Variants in CLASRP observed in about 807,000 individuals in gnomAD.
The protein encoded by CLASRP is CLK4-associating serine/arginine rich protein.
In CLASRP, 52 loss-of-function variants were observed where a neutral mutation model predicts 99.9. That is an observed-to-expected ratio of 0.52 (90% CI 0.42 to 0.66). CLASRP has a LOEUF of 0.66. CLASRP is among the 30% of genes least tolerant of loss of function. The pLI, the probability that CLASRP is intolerant of heterozygous loss-of-function variation, is 0.00. For missense variants in CLASRP, 848 were observed against 999.2 expected (o/e 0.85, Z 2.04); for synonymous variants, 379 against 373.0 (o/e 1.02, Z -0.18).
At chr19:45,070,441 C>A (rs972674323) in intron 19 of CLASRP, 96 bp from the exon 20 acceptor site, 73 of 1,086,562 alleles carry the variant, frequency 6.7e-5, no homozygotes, top group Non-Finnish European at 9.2e-5. Context: ...TTGGAGACAA[C>A]CCCTGAAGTT....
At chr19:45,061,439 C>T (rs767068204) in intron 10 of CLASRP, among the ~76,000 whole-genome samples, 6 of 151,900 alleles carry the variant, frequency 3.9e-5, no homozygotes, top group East Asian at 1.9e-4. Context: ...CTCTCTGGGC[C>T]TCAGTTTCCT....
At chr19:45,056,402 C>T in intron 5 of CLASRP, 48 bp from the exon 6 acceptor site, 1 of 1,560,688 alleles carries the variant, frequency 6.4e-7, no homozygotes, top group Non-Finnish European at 8.8e-7. Flanking sequence ...CCACTGAATT[C>T]CTAGTGTCCC....
At chr19:45,050,647 G>A (rs1972005958) in intron 2 of CLASRP, among the ~76,000 whole-genome samples, 1 of 152,074 alleles carries the variant, frequency 6.6e-6, no homozygotes, top group African/African-American at 2.4e-5. Context: ...TCGCACCATT[G>A]CACTCCAGTT....
rs1967199303 is a variant in CLASRP, at chr19:45,070,035, C to T, written c.1888C>T (p.Arg630Ter). 1 of 1,604,446 alleles carries T rather than the reference C, an allele frequency of 6.2e-7. No homozygotes were observed. Residue 630 changes from arginine (R) to a stop codon, truncating the protein, a stop_gained, in exon 19 of 21, where the codon CGA (arginine) becomes TGA (stop). Coordinates refer to ENST00000221455, the MANE Select transcript of CLASRP (RefSeq NM_007056.3). LOFTEE classifies it high-confidence loss of function. ...ATGCCTTCGCAGGGAGCGGGAACGC[C>T]GAGAGAAGGAGAGAGAAGAGTGGGA... ...RKIRMKERER[R>*]EKEREEWERQ...
chr19:45,067,552 C>T lies in CLASRP; in HGVS notation c.1625C>T (p.Thr542Ile), dbSNP rs1421532643. The T allele has an allele frequency of 6.2e-7, 1 of 1,605,506 alleles. No homozygotes were observed. Among genetic ancestry groups the T allele is most frequent in the Non-Finnish European group, 8.5e-7 (1 of 1,178,822 alleles). The change falls in exon 14 of 21, where the codon ACC becomes ATC. Residue 542 changes from threonine (T) to isoleucine (I), a missense_variant. Thr to Ile is a moderately conservative substitution (Grantham distance 89, BLOSUM62 -1). Around this residue, in one of 8 missense-constraint regions of CLASRP, gnomAD observed 489 missense variants for 434.7 expected, o/e 1.12. Coordinates refer to ENST00000221455, the MANE Select transcript of CLASRP (RefSeq NM_007056.3). This position sits in a 1 kb window ranked among gnomAD's most constrained non-coding sequence, Gnocchi z 4.9. ...PSPSPAREKL[T>I]RPAASPAVGE... ...CCATCACCCGCAAGAGAGAAGCTGA[C>T]CAGGCCGGCCGCGTCCCCTGCTGTG...
In CLASRP at chr19:45,060,107, C is replaced by T. The variant is rs953078414; in HGVS notation, c.711-282C>T. Among the ~76,000 whole-genome samples the T allele has an allele frequency of 6.6e-6, 1 of 152,170 alleles. No individual in the cohort carries two copies. Among genetic ancestry groups the T allele is most frequent in the Non-Finnish European group, 1.5e-5 (1 of 68,026 alleles). ...GCTTCCTCTGCCTTTGCTCTACCATCTAATGGACCACACATTTTATTCCCT... is the reference window on the plus strand; with the variant it reads ...GCTTCCTCTGCCTTTGCTCTACCATTTAATGGACCACACATTTTATTCCCT... On this transcript the variant is annotated intron_variant, in intron 8 of 20. Coordinates refer to ENST00000221455, the MANE Select transcript of CLASRP (RefSeq NM_007056.3). This position sits in a 1 kb window ranked among gnomAD's most constrained non-coding sequence, Gnocchi z 4.6.
chr19:45,040,424 C>G (rs1393058366), intron 2 of CLASRP, 113 bp downstream of exon 2: 1 of 684,656 alleles, frequency 1.5e-6, no homozygotes, highest in African/African-American at 1.8e-5. Context: ...CTCATTTCCT[C>G]AGGAGTATAT....
Position 45,064,602 on chromosome 19 carries a change from G to T in CLASRP, c.1381G>T (p.Gly461Cys). 1 of 1,551,896 alleles carries T rather than the reference G, an allele frequency of 6.4e-7. No homozygotes were observed. The highest frequency in any genetic ancestry group is 1.4e-5 in the African/African-American group (1 of 73,784). Residue 461 changes from glycine (G) to cysteine (C), a missense_variant, in exon 13 of 21, where the codon GGT becomes TGT. By Grantham distance (159) the Gly-to-Cys change is radical. Coordinates refer to ENST00000221455, the MANE Select transcript of CLASRP (RefSeq NM_007056.3). ...GTACTCCCGCTCGCCCGCCCGGCGTGGTGGTTACGGGCCCCGGCGCAGAAG... is the reference window on the plus strand; with the variant it reads ...GTACTCCCGCTCGCCCGCCCGGCGTTGTGGTTACGGGCCCCGGCGCAGAAG... Reference protein sequence around the residue: ...HRYSRSPARRGGYGPRRRSRS... With the variant: ...HRYSRSPARRCGYGPRRRSRS...
At chr19:45,063,578 CTGGAAT>C in intron 11 of CLASRP, among the ~76,000 whole-genome samples, 1 of 151,024 alleles carries the variant, frequency 6.6e-6, no homozygotes, top group Admixed American at 6.6e-5. Context: ...TCCTGAGTAG[CTGGAAT>C]TACAGGTGCG....
intron 5 of CLASRP, among the ~76,000 whole-genome samples, 179 bp downstream of exon 5, chr19:45,053,356 A>G (rs544301336): frequency 3.3e-5 from 5 of 152,226 alleles, no homozygotes; most frequent in Non-Finnish European, 7.4e-5. Context: ...TAGATTTGGT[A>G]TAGGGGATGT....
At chr19:45,040,562 T>C (rs1382640385) in intron 2 of CLASRP, 1 of 382,596 alleles carries the variant, frequency 2.6e-6, no homozygotes, top group Non-Finnish European at 5.0e-6. Context: ...GGGAAGTCTC[T>C]GTAACCCTCA....
At chr19:45,052,382 T>C (rs1300984665) in intron 3 of CLASRP, among the ~76,000 whole-genome samples, 1 of 152,048 alleles carries the variant, frequency 6.6e-6, no homozygotes, top group African/African-American at 2.4e-5. Flanking sequence ...GCAGTCATGG[T>C]TGGAGGACTT....
chr19:45,063,745 C>A (rs1460974985), intron 11 of CLASRP, among the ~76,000 whole-genome samples: 1 of 152,044 alleles, frequency 6.6e-6, no homozygotes, highest in Non-Finnish European at 1.5e-5. Context: ...CCACCGCGCC[C>A]GGCCTGCTCA....
intron 5 of CLASRP, among the ~76,000 whole-genome samples, chr19:45,055,303 G>A (rs1414473602): frequency 6.6e-6 from 1 of 152,246 alleles, no homozygotes; most frequent in Non-Finnish European, 1.5e-5. Flanking sequence ...TCCAGGCCGA[G>A]AGCAGCCTGT....
At chr19:45,046,559 CTG>C (rs1971920803) in intron 2 of CLASRP, among the ~76,000 whole-genome samples, 1 of 152,242 alleles carries the variant, frequency 6.6e-6, no homozygotes, top group Admixed American at 6.5e-5. Flanking sequence ...GGGGACAAGT[CTG>C]TGTCCCACAC....
intron 12 of CLASRP, 36 bp from the exon 13 acceptor site, chr19:45,064,307 G>C (rs971423603): frequency 6.6e-7 from 1 of 1,515,784 alleles, no homozygotes; most frequent in Non-Finnish European, 8.8e-7. Flanking sequence ...CGCGGCTCAG[G>C]CCTGCGCTGA....
intron 2 of CLASRP, among the ~76,000 whole-genome samples, chr19:45,041,645 A>G (rs1020273364): frequency 6.6e-6 from 1 of 152,138 alleles, no homozygotes; most frequent in Non-Finnish European, 1.5e-5. Flanking sequence ...GAAGAGTCCA[A>G]GAGGCCTTTC....
At chr19:45,069,615 A>G (rs1600119524) in intron 18 of CLASRP, 1 of 470,092 alleles carries the variant, frequency 2.1e-6, no homozygotes, top group East Asian at 3.9e-5. Context: ...ATGGAGATAC[A>G]GTCACTGTCC....
intron 2 of CLASRP, among the ~76,000 whole-genome samples, chr19:45,043,595 A>C (rs1971858302): frequency 6.6e-6 from 1 of 152,122 alleles, no homozygotes; most frequent in Non-Finnish European, 1.5e-5. Flanking sequence ...CATTTAATTG[A>C]TCCTTCGCAG....
Sources: gnomAD v4.1 joint callset for allele counts (sites outside exome capture counted in the v4.1 genomes callset) on GRCh38, gnomAD v4.1.1 for gene constraint, gnomAD v4.1.1 regional missense constraint, Gnocchi (gnomAD v3.1) non-coding constraint, MANE v1.5 for transcripts, NCBI Gene and HGNC (gene_info 2026-07-23, HGNC 2026-07-21) for gene names.